Variants in OXR1 observed in about 807,000 individuals in gnomAD.
OXR1 encodes the protein oxidation resistance protein 1.
Under a neutral mutation model 104.6 loss-of-function variants are expected in OXR1, and 41 were observed. The ratio of observed to expected loss-of-function variants is 0.39; its 90% CI spans 0.31 to 0.51. The LOEUF (loss-of-function observed/expected upper bound fraction) is 0.51, where lower values mean the gene tolerates loss of function less well. Among genes scored for constraint, OXR1 ranks in the 20% least tolerant of loss-of-function variants. The pLI, the probability that OXR1 is intolerant of heterozygous loss-of-function variation, is 0.77. For missense variants in OXR1, 955 were observed against 1,031.9 expected (o/e 0.93, Z 1.02); for synonymous variants, 348 against 348.4 (o/e 1.00, Z 0.01).
chr8:106,411,527 A>G (rs934655571), intron 2 of OXR1, among the ~76,000 whole-genome samples: 5 of 152,128 alleles, frequency 3.3e-5, no homozygotes, highest in African/African-American at 1.2e-4. Flanking sequence ...CTCTCATGTG[A>G]TATTTCTGGA....
At chr8:106,612,506 ATTTC>A (rs749850466) in intron 3 of OXR1, among the ~76,000 whole-genome samples, 26 of 152,042 alleles carry the variant, frequency 1.7e-4, no homozygotes, top group South Asian at 8.3e-4. Context: ...CTCAAAACTC[ATTTC>A]TTATTATGAT....
intron 2 of OXR1, among the ~76,000 whole-genome samples, chr8:106,452,041 C>T (rs1158853224): frequency 1.3e-5 from 2 of 152,142 alleles, no homozygotes; most frequent in Non-Finnish European, 2.9e-5. Flanking sequence ...GTCCCAGAGG[C>T]TAGCCGACAT....
At chr8:106,656,510 G>A (rs1400109820) in intron 3 of OXR1, 3 of 152,220 alleles carry the variant, frequency 2.0e-5, no homozygotes, top group Non-Finnish European at 4.4e-5. Flanking sequence ...TTTAACAAAT[G>A]AATTTAAGGG....
chr8:106,479,334 T>A (rs1342576258), intron 2 of OXR1, among the ~76,000 whole-genome samples: 1 of 152,058 alleles, frequency 6.6e-6, no homozygotes, highest in African/African-American at 2.4e-5. Flanking sequence ...TGATACCTAA[T>A]GGAATCATAA....
chr8:106,389,200 C>T (rs1329219246), intron 2 of OXR1, among the ~76,000 whole-genome samples: 1 of 152,056 alleles, frequency 6.6e-6, no homozygotes, highest in African/African-American at 2.4e-5. Context: ...GTTAAGTCAT[C>T]CAACATAAAG....
intron 3 of OXR1, among the ~76,000 whole-genome samples, chr8:106,601,286 T>C (rs187267918): frequency 1.2e-3 from 182 of 152,228 alleles, no homozygotes; most frequent in African/African-American, 4.2e-3. Context: ...AATTCTAAAA[T>C]GGCTCCTGTC....
intron 2 of OXR1, among the ~76,000 whole-genome samples, chr8:106,386,833 AAGAGCTAAGG>A (rs1012178299): frequency 6.6e-6 from 1 of 152,208 alleles, no homozygotes; most frequent in Non-Finnish European, 1.5e-5. Context: ...GGAGCTAAGA[AAGAGCTAAGG>A]AGATAGTCTT....
At chr8:106,713,780 A>G (rs757645991) in intron 10 of OXR1, 43 bp from the exon 11 acceptor site, 1 of 1,182,200 alleles carries the variant, frequency 8.5e-7, no homozygotes, top group Admixed American at 2.9e-5. Context: ...TAATTCTGGC[A>G]GCACAGAATA....
At chr8:106,742,915 A>C (rs1451403564) in intron 15 of OXR1, among the ~76,000 whole-genome samples, 1 of 152,222 alleles carries the variant, frequency 6.6e-6, no homozygotes, top group Non-Finnish European at 1.5e-5. Flanking sequence ...ACAATGCCAA[A>C]AGCAGTTGCA....
chr8:106,628,200 A>G (rs1298974278), intron 3 of OXR1, among the ~76,000 whole-genome samples: 2 of 152,096 alleles, frequency 1.3e-5, no homozygotes, highest in Non-Finnish European at 2.9e-5. Flanking sequence ...CCTTTTCCCA[A>G]AGAGCTGACA....
At chr8:106,445,870 T>C (rs1819992894) in intron 2 of OXR1, among the ~76,000 whole-genome samples, 1 of 152,218 alleles carries the variant, frequency 6.6e-6, no homozygotes, top group Non-Finnish European at 1.5e-5. Flanking sequence ...GAAATGTTTG[T>C]GGAGCCAGGC....
chr8:106,632,036 G>A (rs757727541), intron 3 of OXR1, among the ~76,000 whole-genome samples: 8 of 152,162 alleles, frequency 5.3e-5, no homozygotes, highest in Non-Finnish European at 1.2e-4. Context: ...ACCAAAAAGT[G>A]TATACTCATT....
chr8:106,418,845 T>C (rs1818789300), intron 2 of OXR1, among the ~76,000 whole-genome samples: 3 of 152,162 alleles, frequency 2.0e-5, no homozygotes, highest in African/African-American at 4.8e-5. Context: ...GTCACCAAAA[T>C]GTTGACAGTG....
At chr8:106,526,193 T>TTCTAGATGTCCATCA (rs1813648345) in intron 3 of OXR1, among the ~76,000 whole-genome samples, 1 of 152,226 alleles carries the variant, frequency 6.6e-6, no homozygotes, top group Admixed American at 6.5e-5. Flanking sequence ...TTTATGGACA[T>TTCTAGATGTCCATCA]TCTAGATGAT....
At chr8:106,650,008 T>A (rs1824432210) in intron 3 of OXR1, among the ~76,000 whole-genome samples, 1 of 152,192 alleles carries the variant, frequency 6.6e-6, no homozygotes, top group Non-Finnish European at 1.5e-5. Flanking sequence ...AAATATTTTT[T>A]AATTATATAC....
At chr8:106,591,205 C>A (rs1017929822) in intron 3 of OXR1, among the ~76,000 whole-genome samples, 1 of 145,222 alleles carries the variant, frequency 6.9e-6, no homozygotes, top group African/African-American at 2.6e-5. Context: ...CCAAACACCA[C>A]ATGTTCTCAC....
chr8:106,658,112 G>A, intron 3 of OXR1: 1 of 1,247,526 alleles, frequency 8.0e-7, no homozygotes, highest in Non-Finnish European at 1.0e-6. Context: ...ACCTGAGGGA[G>A]CCAGCCCAGG....
chr8:106,373,168 C>A (rs1189528247), intron 2 of OXR1, among the ~76,000 whole-genome samples: 2 of 152,104 alleles, frequency 1.3e-5, no homozygotes, highest in African/African-American at 4.8e-5. Flanking sequence ...AGTTCTGTAT[C>A]ATTTTATACC....
chr8:106,431,198 A>G (rs1189113099), intron 2 of OXR1, among the ~76,000 whole-genome samples: 1 of 152,152 alleles, frequency 6.6e-6, no homozygotes, highest in African/African-American at 2.4e-5. Context: ...ATAACATGCA[A>G]CAGAGATGAA....
Sources: gnomAD v4.1 joint callset for allele counts (sites outside exome capture counted in the v4.1 genomes callset) on GRCh38, gnomAD v4.1.1 for gene constraint, MANE v1.5 for transcripts, NCBI Gene and HGNC (gene_info 2026-07-23, HGNC 2026-07-21) for gene names.